FGF1: variants seen among roughly 807,000 people sequenced by gnomAD.
The protein encoded by FGF1 is beta-endothelial cell growth factor.
In FGF1, 9 loss-of-function variants were observed where a neutral mutation model predicts 13.4. The observed-to-expected ratio is 0.67, with a 90% confidence interval of 0.40 to 1.17. The LOEUF (loss-of-function observed/expected upper bound fraction) is 1.17, where lower values mean the gene tolerates loss of function less well. Among genes scored for constraint, FGF1 ranks in the 50% most tolerant of loss-of-function variants. FGF1 has a pLI of 0.01. For missense variants in FGF1, 156 were observed against 192.7 expected (o/e 0.81, Z 1.13); for synonymous variants, 93 against 79.0 (o/e 1.18, Z -0.94).
intron 1 of FGF1, among the ~76,000 whole-genome samples, chr5:142,673,338 A>G (rs1771859772): frequency 6.6e-6 from 1 of 152,200 alleles, no homozygotes; most frequent in Non-Finnish European, 1.5e-5. Flanking sequence ...TATCTCAGCC[A>G]ATGATACAAA....
intron 2 of FGF1, among the ~76,000 whole-genome samples, chr5:142,613,214 G>A (rs1170730865): frequency 6.6e-6 from 1 of 152,190 alleles, no homozygotes; most frequent in Non-Finnish European, 1.5e-5. Flanking sequence ...ACACACCAAT[G>A]CCAGAAGTAC....
intron 1 of FGF1, among the ~76,000 whole-genome samples, chr5:142,635,261 T>C (rs145999635): frequency 6.6e-6 from 1 of 152,260 alleles, no homozygotes; most frequent in East Asian, 1.9e-4. Context: ...TCGTAGGGTG[T>C]TGGGGAGGAT....
chr5:142,686,250 T>A (rs1751179788), upstream of FGF1: 1 of 152,244 alleles, frequency 6.6e-6, no homozygotes, highest in African/African-American at 2.4e-5. Context: ...TCTAGGTCTA[T>A]CTCCGGTCCT....
intron 1 of FGF1, among the ~76,000 whole-genome samples, chr5:142,652,653 C>T (rs1369280824): frequency 6.6e-6 from 1 of 152,254 alleles, no homozygotes; most frequent in Non-Finnish European, 1.5e-5. Flanking sequence ...CTCTCCATCT[C>T]AGCCCTGGGC....
chr5:142,667,168 C>T (rs1395025040), intron 1 of FGF1, among the ~76,000 whole-genome samples: 1 of 151,964 alleles, frequency 6.6e-6, no homozygotes, highest in East Asian at 1.9e-4. Flanking sequence ...CCTTTAGTCC[C>T]AGCTACTCGG....
intron 1 of FGF1, among the ~76,000 whole-genome samples, chr5:142,630,185 C>T (rs892748723): frequency 5.9e-5 from 9 of 152,128 alleles, no homozygotes; most frequent in African/African-American, 2.2e-4. Flanking sequence ...AGCCACCATG[C>T]CTGGCTTAAA....
At chr5:142,664,536 C>T (rs2152008619) in intron 1 of FGF1, among the ~76,000 whole-genome samples, 1 of 152,322 alleles carries the variant, frequency 6.6e-6, no homozygotes, top group South Asian at 2.1e-4. Context: ...AGTATTTGAA[C>T]GTCTCTAAAA....
chr5:142,648,995 G>C (rs1005780745), intron 1 of FGF1, among the ~76,000 whole-genome samples: 2 of 152,166 alleles, frequency 1.3e-5, no homozygotes, highest in Admixed American at 1.3e-4. Context: ...GCGACCAGGG[G>C]CGAAGGGACT....
chr5:142,639,561 G>A (rs1331488432), intron 1 of FGF1, among the ~76,000 whole-genome samples: 1 of 151,968 alleles, frequency 6.6e-6, no homozygotes, highest in Non-Finnish European at 1.5e-5. Flanking sequence ...GTTGCCAGGA[G>A]CTGGGGAGAG....
intron 1 of FGF1, among the ~76,000 whole-genome samples, chr5:142,620,209 A>T (rs1005489998): frequency 6.6e-6 from 1 of 152,148 alleles, no homozygotes; most frequent in African/African-American, 2.4e-5. Context: ...CGAGGTAAGG[A>T]GATCGAGACC....
intron 1 of FGF1, among the ~76,000 whole-genome samples, chr5:142,620,557 A>G (rs1364657788): frequency 2.0e-5 from 3 of 152,240 alleles, no homozygotes; most frequent in Non-Finnish European, 2.9e-5. Flanking sequence ...AATTCCAAAC[A>G]TGTATATATC....
chr5:142,635,786 T>C (rs1181767472), intron 1 of FGF1, among the ~76,000 whole-genome samples: 2 of 152,222 alleles, frequency 1.3e-5, no homozygotes, highest in Non-Finnish European at 2.9e-5. Context: ...AGGATTCTGA[T>C]GTGAGACTCC....
chr5:142,629,895 A>ATAT (rs367828611), intron 1 of FGF1, among the ~76,000 whole-genome samples: 2,068 of 127,758 alleles, frequency 0.016, 34 homozygotes, highest in African/African-American at 0.038. Flanking sequence ...ATATATATAT[A>ATAT]TTTTTTTTTT....
upstream of FGF1, among the ~76,000 whole-genome samples, chr5:142,688,042 T>G (rs1192124609): frequency 6.6e-6 from 1 of 152,256 alleles, no homozygotes; most frequent in African/African-American, 2.4e-5. Flanking sequence ...GTCATTATTT[T>G]ATTTTATTTC....
chr5:142,668,982 T>G (rs895331797), intron 1 of FGF1, among the ~76,000 whole-genome samples: 6 of 152,162 alleles, frequency 3.9e-5, no homozygotes, highest in Non-Finnish European at 7.3e-5. Context: ...TTTACATATG[T>G]GGGCATGGAA....
At chr5:142,688,832 C>A (rs948154635), upstream of FGF1, among the ~76,000 whole-genome samples, 5 of 152,212 alleles carry the variant, frequency 3.3e-5, no homozygotes, top group African/African-American at 1.2e-4. Flanking sequence ...GGACTCAATG[C>A]AGAGCACTTA....
chr5:142,618,320 A>G (rs1160359373), intron 1 of FGF1, among the ~76,000 whole-genome samples: 1 of 152,186 alleles, frequency 6.6e-6, no homozygotes, highest in African/African-American at 2.4e-5. Context: ...ACACATGAAC[A>G]GGATGTGGAT....
chr5:142,649,689 G>A (rs1032757262), intron 1 of FGF1, among the ~76,000 whole-genome samples: 1 of 151,472 alleles, frequency 6.6e-6, no homozygotes. Context: ...TTACAGGTGT[G>A]AGCCACCACG....
chr5:142,636,330 G>A (rs1001183576), intron 1 of FGF1, among the ~76,000 whole-genome samples: 2 of 152,242 alleles, frequency 1.3e-5, no homozygotes, highest in South Asian at 2.1e-4. Context: ...ATAATATGAT[G>A]ACATCAGGCC....
Sources: gnomAD v4.1 joint callset for allele counts (sites outside exome capture counted in the v4.1 genomes callset) on GRCh38, gnomAD v4.1.1 for gene constraint, MANE v1.5 for transcripts, NCBI Gene and HGNC (gene_info 2026-07-23, HGNC 2026-07-21) for gene names.